The following TMEM131 variants were observed in gnomAD, a reference collection of about 807,000 sequenced individuals.
TMEM131 encodes the protein transmembrane protein 131, also known as 2610524E03Rik.
TMEM131 carries 66 observed loss-of-function variants against 211.6 expected under a neutral mutation model. The observed-to-expected ratio is 0.31, with a 90% CI of 0.26 to 0.38. The LOEUF is 0.38. Among genes scored for constraint, TMEM131 ranks in the 10% least tolerant of loss-of-function variants. The pLI is 1.00. For synonymous variants in TMEM131, 844 were observed against 841.3 expected (o/e 1.00, Z -0.06); for missense variants, 2,036 against 2,299.3 (o/e 0.89, Z 2.34).
intron 31 of TMEM131, among the ~76,000 whole-genome samples, chr2:97,790,611 T>TG (rs1351519935): frequency 6.6e-6 from 1 of 152,246 alleles, no homozygotes; most frequent in Non-Finnish European, 1.5e-5. Flanking sequence ...GACACAGGAA[T>TG]GAGGTAGTCA....
intron 3 of TMEM131, among the ~76,000 whole-genome samples, chr2:97,896,606 A>G (rs1559432217): frequency 6.6e-6 from 1 of 152,046 alleles, no homozygotes; most frequent in Non-Finnish European, 1.5e-5. Context: ...TCCCTTTACC[A>G]TTATGTAATG....
At chr2:97,831,496 A>G (rs1385957876) in intron 11 of TMEM131, among the ~76,000 whole-genome samples, 2 of 152,122 alleles carry the variant, frequency 1.3e-5, no homozygotes, top group Non-Finnish European at 2.9e-5. Context: ...GGCTTTGGAT[A>G]TTATAAAAGA....
Position 97,792,517 on chromosome 2 carries a change from G to A in TMEM131, c.4013C>T (p.Ala1338Val), listed in dbSNP as rs370960665. 14 of 1,613,420 alleles carry A rather than the reference G, an allele frequency of 8.7e-6. No homozygotes were observed. The highest frequency in any genetic ancestry group is 5.3e-5 in the African/African-American group (4 of 74,910). The change falls in exon 31 of 41, where the codon GCG becomes GTG. Residue 1338 changes from alanine to valine, a missense_variant. Coordinates refer to ENST00000186436, the MANE Select transcript of TMEM131 (RefSeq NM_015348.2). ...HPSHPERASSARHSSEDSDIT... is the reference protein window; with the variant it reads ...HPSHPERASSVRHSSEDSDIT... ...GTCCGAGTCCTCGGAACTGTGCCTC[G>A]CGCTGCTGGCACGTTCTGGGTGGGA...
intron 4 of TMEM131, among the ~76,000 whole-genome samples, chr2:97,861,578 G>C (rs1449925923): frequency 1.3e-5 from 2 of 151,902 alleles, no homozygotes; most frequent in African/African-American, 4.8e-5. Context: ...GTGGTAGCCT[G>C]GCGGTATTCT....
chr2:97,766,040 G>T, intron 35 of TMEM131, 74 bp downstream of exon 35: 1 of 1,573,066 alleles, frequency 6.4e-7, no homozygotes, highest in South Asian at 1.2e-5. Context: ...ACATGCCCCT[G>T]AAGAGTTCCA....
At chr2:97,909,999 T>C (rs72942894) in intron 2 of TMEM131, among the ~76,000 whole-genome samples, 3,774 of 152,276 alleles carry the variant, frequency 0.025, 167 homozygotes, top group African/African-American at 0.087. Context: ...ATGAGATTAA[T>C]ATCTAGAATA....
At chr2:97,809,601 G>T (rs577654545) in intron 19 of TMEM131, 87 bp downstream of exon 19, 14 of 881,496 alleles carry the variant, frequency 1.6e-5, no homozygotes, top group Non-Finnish European at 2.6e-5. Context: ...AAGAATAACT[G>T]ACTTTACTCT....
chr2:97,811,353 C>CT, intron 17 of TMEM131, 121 bp from the exon 18 acceptor site: 1 of 719,128 alleles, frequency 1.4e-6, no homozygotes, highest in Non-Finnish European at 2.5e-6. Context: ...CAGTATGACA[C>CT]TGAATTACCA....
At chr2:97,760,964 T>A in intron 36 of TMEM131, 50 bp from the exon 37 acceptor site, 1 of 1,605,838 alleles carries the variant, frequency 6.2e-7, no homozygotes, top group Non-Finnish European at 8.5e-7. Context: ...CAGTGCCCTG[T>A]CTCGGGGAGG....
At chr2:97,790,707 T>C (rs549627500) in intron 31 of TMEM131, among the ~76,000 whole-genome samples, 22 of 152,350 alleles carry the variant, frequency 1.4e-4, no homozygotes, top group Admixed American at 2.0e-4. Context: ...GAAAACGCTA[T>C]GTAACTTGAT....
At chr2:97,817,919 G>A (rs1200298352) in intron 12 of TMEM131, among the ~76,000 whole-genome samples, 1 of 152,172 alleles carries the variant, frequency 6.6e-6, no homozygotes, top group East Asian at 1.9e-4. Flanking sequence ...TATGAAAAAA[G>A]CCCTGTTCAG....
At chr2:97,943,049 GAAAGAAAGAAA>G (rs1677855337) in intron 1 of TMEM131, among the ~76,000 whole-genome samples, 1 of 53,474 alleles carries the variant, frequency 1.9e-5, no homozygotes, top group Non-Finnish European at 4.2e-5. Flanking sequence ...AAGAAAGAAA[GAAAGAAAGAAA>G]GAAAGAAAGA....
In TMEM131 at chr2:97,759,772, G is replaced by A. The variant is rs775824352; in HGVS notation, c.5109-23C>T. The stretch of plus-strand genomic sequence containing the variant: ...GAGCTAAATGTTACAAGAGGAAAAC[G>A]CAACACACAAAAATGTATGGTGGTT... On this transcript the variant is annotated intron_variant, in intron 38 of 40. Transcript: ENST00000186436. 3.0e-5 allele frequency: 47 copies of A among 1,577,298 alleles called. 1 individual carries two copies. In the Middle Eastern group the frequency reaches 8.3e-4, roughly 28 times the overall value.
At chr2:97,800,649 C>T (rs917602026) in intron 25 of TMEM131, among the ~76,000 whole-genome samples, 6 of 151,054 alleles carry the variant, frequency 4.0e-5, no homozygotes, top group African/African-American at 2.4e-5. Flanking sequence ...TCCCGCTACT[C>T]GGGAGGCTGA....
chr2:97,876,754 G>A (rs1674712302), intron 4 of TMEM131, among the ~76,000 whole-genome samples: 1 of 152,134 alleles, frequency 6.6e-6, no homozygotes, highest in South Asian at 2.1e-4. Context: ...CATACTGAGT[G>A]GGCAAAAACT....
At chr2:97,893,354 G>A (rs1338379521) in intron 3 of TMEM131, among the ~76,000 whole-genome samples, 2 of 152,174 alleles carry the variant, frequency 1.3e-5, no homozygotes, top group Non-Finnish European at 1.5e-5. Flanking sequence ...ATAAACACAT[G>A]TGTGCATGTG....
At chr2:97,795,222 T>C (rs1267894439) in intron 28 of TMEM131, 107 bp from the exon 29 acceptor site, 1 of 735,906 alleles carries the variant, frequency 1.4e-6, no homozygotes, top group Non-Finnish European at 2.1e-6. Context: ...AGAATTTGCG[T>C]TTGATACTTT....
At chr2:97,881,918 G>C (rs1301243220) in intron 4 of TMEM131, among the ~76,000 whole-genome samples, 1 of 152,152 alleles carries the variant, frequency 6.6e-6, no homozygotes, top group Non-Finnish European at 1.5e-5. Flanking sequence ...GCTTCTGAGA[G>C]TGGAAAAAAC....
At chr2:97,839,317 AACC>A in intron 7 of TMEM131, among the ~76,000 whole-genome samples, 1 of 11,686 alleles carries the variant, frequency 8.6e-5, no homozygotes, top group South Asian at 1.2e-3. Flanking sequence ...CTGGAAAACC[AACC>A]AACCAACCAA....
Sources: gnomAD v4.1 joint callset for allele counts (sites outside exome capture counted in the v4.1 genomes callset) on GRCh38, gnomAD v4.1.1 for gene constraint, MANE v1.5 for transcripts, NCBI Gene and HGNC (gene_info 2026-07-23, HGNC 2026-07-21) for gene names.